The following ABAT variants were observed in gnomAD, a reference collection of about 807,000 sequenced individuals.
The protein encoded by ABAT is 4-aminobutyrate aminotransferase.
A neutral mutation model predicts 64.6 loss-of-function variants in ABAT; 45 were observed. The ratio of observed to expected loss-of-function variants is 0.70; its 90% confidence interval spans 0.55 to 0.89. The LOEUF (loss-of-function observed/expected upper bound fraction) is 0.89, where lower values mean the gene tolerates loss of function less well. ABAT is among the 40% of genes least tolerant of loss of function. ABAT has a pLI of 0.00. For synonymous variants in ABAT, 297 were observed against 250.5 expected (o/e 1.19, Z -1.75); for missense variants, 633 against 658.4 (o/e 0.96, Z 0.42).
intron 2 of ABAT, chr16:8,736,694 C>T (rs1045229867): frequency 3.9e-5 from 6 of 152,262 alleles, no homozygotes; most frequent in Non-Finnish European, 8.8e-5. Context: ...TTTGAGACCT[C>T]CCTCCCAATA....
At chr16:8,733,197 G>A (rs1285908669) in intron 1 of ABAT, among the ~76,000 whole-genome samples, 4 of 151,288 alleles carry the variant, frequency 2.6e-5, no homozygotes, top group African/African-American at 4.9e-5. Context: ...CAGACGGGGC[G>A]GCTGCCGGGT....
chr16:8,736,874 G>A (rs917896496), intron 2 of ABAT: 3 of 152,166 alleles, frequency 2.0e-5, no homozygotes, highest in Admixed American at 6.5e-5. Flanking sequence ...TGGAGACAGA[G>A]CCGCCAGCAG....
chr16:8,696,330 T>C (rs1177828019), intron 1 of ABAT, among the ~76,000 whole-genome samples: 1 of 152,020 alleles, frequency 6.6e-6, no homozygotes. Context: ...CTCTCAAAAA[T>C]TTTGGGATCA....
chr16:8,765,627 T>C (rs944863292), intron 8 of ABAT, among the ~76,000 whole-genome samples: 4 of 151,942 alleles, frequency 2.6e-5, no homozygotes, highest in African/African-American at 9.7e-5. Context: ...ATCATGCTAC[T>C]GCACTCCAAC....
At chr16:8,738,310 T>G in intron 2 of ABAT, 1 of 422,952 alleles carries the variant, frequency 2.4e-6, no homozygotes, top group East Asian at 7.0e-5. Context: ...GGCCTTGTCT[T>G]AAAATAATAA....
intron 3 of ABAT, among the ~76,000 whole-genome samples, chr16:8,747,871 C>T (rs977837666): frequency 4.6e-5 from 7 of 151,912 alleles, no homozygotes; most frequent in African/African-American, 1.7e-4. Flanking sequence ...TTTATTTTAT[C>T]TTTCAGGTGG....
chr16:8,743,014 A>G (rs58488046), intron 2 of ABAT, among the ~76,000 whole-genome samples: 2,555 of 148,650 alleles, frequency 0.017, 68 homozygotes, highest in African/African-American at 0.061. Context: ...CTTTAAAAAA[A>G]AAAAAAAAAA....
chr16:8,746,146 C>G (rs779988787), intron 3 of ABAT, 48 bp downstream of exon 3: 2 of 1,482,816 alleles, frequency 1.3e-6, no homozygotes, highest in African/African-American at 2.8e-5. Flanking sequence ...GGGAAAAAGG[C>G]GCCTAAGAAG....
chr16:8,755,141 T>G (rs1024002282), intron 5 of ABAT, among the ~76,000 whole-genome samples: 6 of 126,330 alleles, frequency 4.7e-5, no homozygotes, highest in African/African-American at 2.0e-4. Flanking sequence ...TTCGTTTTTG[T>G]TTTTTTTTAA....
intron 1 of ABAT, among the ~76,000 whole-genome samples, chr16:8,685,573 G>T (rs1477815284): frequency 9.2e-5 from 14 of 152,184 alleles, no homozygotes. Context: ...CTACTTGGGA[G>T]GCTGAGGCAG....
At position 8,768,177 on chromosome 16, in the gene ABAT, T is replaced by G. The variant is rs755708488; in HGVS notation, c.604-16T>G. The G allele has an allele frequency of 6.2e-7, 1 of 1,613,178 alleles. No homozygotes were observed. The highest frequency in any genetic ancestry group is 8.5e-7 in the Non-Finnish European group (1 of 1,179,210). ...CCTTACAACTATGACTAATGACTGA[T>G]ATTTCTTGGTTTTAGGCCCCTGGCT... On this transcript the variant is annotated splice_polypyrimidine_tract_variant and intron_variant, in intron 9 of 15. Transcript: ENST00000268251.
At chr16:8,750,667 G>T in intron 5 of ABAT, 128 bp downstream of exon 5, 1 of 838,258 alleles carries the variant, frequency 1.2e-6, no homozygotes. Flanking sequence ...CTTCACCCAA[G>T]GGTAGGAAAA....
rs2057662203 is a variant in ABAT, at chr16:8,694,673, T to A, written c.-42+19962T>A. The stretch of plus-strand genomic sequence containing the variant: ...GATTACAGGCATGAGCCACCGCACC[T>A]GGGGCCAGCTATGAAAGATTTTGTT... On this transcript the variant is annotated intron_variant, in intron 1 of 15. Transcript: ENST00000268251. Among the ~76,000 whole-genome samples the A allele has an allele frequency of 2.6e-5, 4 of 152,266 alleles. No homozygotes were observed. In the East Asian group the frequency reaches 5.8e-4, roughly 22 times the overall value.
intron 9 of ABAT, among the ~76,000 whole-genome samples, chr16:8,766,894 G>A (rs1388267640): frequency 9.9e-5 from 15 of 151,330 alleles, no homozygotes; most frequent in South Asian, 2.1e-4. Context: ...GCTTGAACCC[G>A]ACGGGCGCGG....
intron 1 of ABAT, chr16:8,715,766 T>TA (rs927699036): frequency 6.9e-6 from 1 of 144,866 alleles, no homozygotes. Context: ...ATAAATAAAT[T>TA]AAAAAAAGAT....
intron 1 of ABAT, among the ~76,000 whole-genome samples, chr16:8,693,201 T>G (rs967732362): frequency 6.6e-6 from 1 of 152,208 alleles, no homozygotes; most frequent in African/African-American, 2.4e-5. Context: ...ACTAATAGCA[T>G]CCGGCTAACC....
intron 5 of ABAT, 94 bp downstream of exon 5, chr16:8,750,633 C>T: frequency 8.9e-7 from 1 of 1,120,382 alleles, no homozygotes; most frequent in Middle Eastern, 2.8e-4. Context: ...TTCCAGCAGG[C>T]ACATCCCAGA....
chr16:8,750,219 A>C (rs1161802975), intron 4 of ABAT, among the ~76,000 whole-genome samples: 1 of 152,148 alleles, frequency 6.6e-6, no homozygotes, highest in Non-Finnish European at 1.5e-5. Context: ...TAAAAAATAA[A>C]ATCACAGCTT....
chr16:8,753,649 G>A (rs1237573095), intron 5 of ABAT, among the ~76,000 whole-genome samples: 1 of 152,228 alleles, frequency 6.6e-6, no homozygotes, highest in Non-Finnish European at 1.5e-5. Context: ...TAAGGAACCA[G>A]GACTTAAAGA....
Sources: gnomAD v4.1 joint callset for allele counts (sites outside exome capture counted in the v4.1 genomes callset) on GRCh38, gnomAD v4.1.1 for gene constraint, MANE v1.5 for transcripts, NCBI Gene and HGNC (gene_info 2026-07-23, HGNC 2026-07-21) for gene names.